C4orf51: variants seen among roughly 807,000 people sequenced by gnomAD.
C4orf51 encodes uncharacterized protein C4orf51.
C4orf51 carries 25 observed loss-of-function variants against 25.2 expected under a neutral mutation model. The ratio of observed to expected loss-of-function variants is 0.99; its 90% confidence interval spans 0.72 to 1.39. The LOEUF (loss-of-function observed/expected upper bound fraction) is 1.39, where lower values mean the gene tolerates loss of function less well. Among genes scored for constraint, C4orf51 ranks in the 40% most tolerant of loss-of-function variants. C4orf51 has a pLI of 0.00. For missense variants in C4orf51, 252 were observed against 239.6 expected (o/e 1.05, Z -0.34); for synonymous variants, 100 against 84.5 (o/e 1.18, Z -1.01).
chr4:145,744,004 G>GTATT (rs1295232747), intron 1 of C4orf51, among the ~76,000 whole-genome samples: 1 of 152,094 alleles, frequency 6.6e-6, no homozygotes. Flanking sequence ...ATTTTTCCTT[G>GTATT]TATTATAATG....
intron 1 of C4orf51, among the ~76,000 whole-genome samples, chr4:145,753,234 T>C (rs1461601709): frequency 1.3e-5 from 2 of 151,812 alleles, no homozygotes; most frequent in South Asian, 2.1e-4. Flanking sequence ...TGGTGAATGC[T>C]TCTATTCGAC....
At chr4:145,783,881 A>G in the C4orf51 span, among the ~76,000 whole-genome samples, 1 of 152,152 alleles carries the variant, frequency 6.6e-6, no homozygotes, top group Admixed American at 6.5e-5. Context: ...TCAAATTATA[A>G]TTCCCAGTAT....
At chr4:145,682,679 C>A (rs1266987688) in intron 1 of C4orf51, among the ~76,000 whole-genome samples, 2 of 152,050 alleles carry the variant, frequency 1.3e-5, no homozygotes, top group South Asian at 4.2e-4. Flanking sequence ...GGTTCTGAAC[C>A]AGTTTTAACC....
intron 1 of C4orf51, among the ~76,000 whole-genome samples, chr4:145,682,781 T>C (rs1728915131): frequency 6.6e-6 from 1 of 152,176 alleles, no homozygotes; most frequent in Admixed American, 6.5e-5. Flanking sequence ...TTATGAAATA[T>C]TGGTGTCAAT....
chr4:145,709,743 G>A (rs1027367175), intron 2 of C4orf51, among the ~76,000 whole-genome samples: 2 of 152,166 alleles, frequency 1.3e-5, no homozygotes, highest in Non-Finnish European at 2.9e-5. Context: ...AGCATTGCAT[G>A]GGTTTAGGCT....
At chr4:145,735,259 A>G (rs1233472563), downstream of C4orf51, among the ~76,000 whole-genome samples, 1 of 152,158 alleles carries the variant, frequency 6.6e-6, no homozygotes, top group East Asian at 1.9e-4. Flanking sequence ...AGATGCCAGT[A>G]GGGTTTCCGA....
Position 145,762,477 on chromosome 4 carries a change from C to A in C4orf51, n.167-8511C>A, listed in dbSNP as rs1734686332. Among the ~76,000 whole-genome samples the A allele has an allele frequency of 6.6e-6, 1 of 152,192 alleles. No homozygotes were observed. The highest frequency in any genetic ancestry group is 2.1e-4 in the South Asian group (1 of 4,822). ...TCTTACATTTCCTCTGCATTCTCTG[C>A]AGTGCTTGGTAGAGTACTTAACACA... On this transcript the variant is annotated intron_variant and non_coding_transcript_variant, in intron 1 of 1. Coordinates refer to the C4orf51 transcript ENST00000510096. The surrounding 1 kb of genome is among the most constrained non-coding windows in gnomAD (Gnocchi z 4.9).
At chr4:145,742,532 GTTTTTTTTT>G (rs141147414) in intron 1 of C4orf51, among the ~76,000 whole-genome samples, 1 of 104,990 alleles carries the variant, frequency 9.5e-6, no homozygotes, top group Non-Finnish European at 1.9e-5. Context: ...TCTTTTTCTT[GTTTTTTTTT>G]TTTTTTTTTT....
chr4:145,779,626 G>T, the C4orf51 span: 4 of 1,389,012 alleles, frequency 2.9e-6, no homozygotes, highest in Non-Finnish European at 3.9e-6. Flanking sequence ...GCTAGTAATT[G>T]CAAATGAGTC....
intron 1 of C4orf51, among the ~76,000 whole-genome samples, chr4:145,752,912 T>C (rs902269439): frequency 1.3e-5 from 2 of 150,278 alleles, no homozygotes; most frequent in East Asian, 3.8e-4. Flanking sequence ...TGTTTTCCAC[T>C]GTAACAAGGC....
At chr4:145,702,089 A>G (rs978765095) in intron 2 of C4orf51, among the ~76,000 whole-genome samples, 4 of 152,114 alleles carry the variant, frequency 2.6e-5, no homozygotes, top group Admixed American at 6.5e-5. Context: ...ATCCCATCCC[A>G]CAGCACGCTT....
downstream of C4orf51, chr4:145,774,751 A>C: frequency 6.9e-7 from 1 of 1,456,348 alleles, no homozygotes; most frequent in South Asian, 1.3e-5. Context: ...CCATTTATAC[A>C]CAGTACACTC....
intron 1 of C4orf51, among the ~76,000 whole-genome samples, chr4:145,738,459 CA>C (rs1732927062): frequency 1.4e-5 from 2 of 146,728 alleles, no homozygotes; most frequent in African/African-American, 5.0e-5. Context: ...CGAAAAAAAA[CA>C]TATATATATA....
chr4:145,785,336 G>C, the C4orf51 span, among the ~76,000 whole-genome samples: 4 of 152,194 alleles, frequency 2.6e-5, no homozygotes, highest in Non-Finnish European at 5.9e-5. Flanking sequence ...GTCCTGGGAA[G>C]ATGAAACCCA....
chr4:145,704,539 G>A (rs975568335), intron 2 of C4orf51, among the ~76,000 whole-genome samples: 3 of 152,248 alleles, frequency 2.0e-5, no homozygotes, highest in African/African-American at 7.2e-5. Context: ...CTGTATATGC[G>A]TGGGTTTATT....
Position 145,716,283 on chromosome 4 carries a change from G to A in C4orf51, c.308-10628G>A, listed in dbSNP as rs551710821. On this transcript the variant is annotated intron_variant, in intron 2 of 5. Coordinates refer to ENST00000438731, the MANE Select transcript of C4orf51 (RefSeq NM_001080531.3). ...TCCTCTTGGGCTTCCACCAATACCC[G>A]AAAGCCCTAGAGCCCTTTGTCTCCA... 2.6e-5 allele frequency among the ~76,000 whole-genome samples: 4 copies of A among 152,146 alleles called. No homozygotes were observed. The East Asian group carries it at 5.8e-4, about 22-fold the overall frequency.
At chr4:145,704,233 A>G (rs1327410368) in intron 2 of C4orf51, among the ~76,000 whole-genome samples, 1 of 152,200 alleles carries the variant, frequency 6.6e-6, no homozygotes, top group African/African-American at 2.4e-5. Flanking sequence ...ATCTGTCAGT[A>G]TTGGAGGAAA....
At chr4:145,707,279 C>A (rs1219407093) in intron 2 of C4orf51, among the ~76,000 whole-genome samples, 1 of 152,192 alleles carries the variant, frequency 6.6e-6, no homozygotes, top group Non-Finnish European at 1.5e-5. Context: ...TTCTTTATAA[C>A]CTTCCGTGCC....
At chr4:145,723,535 C>G (rs921805198) in intron 2 of C4orf51, among the ~76,000 whole-genome samples, 4 of 152,000 alleles carry the variant, frequency 2.6e-5, no homozygotes, top group Non-Finnish European at 5.9e-5. Flanking sequence ...TCTGATTCTG[C>G]AAGCCTACAC....
Sources: allele counts gnomAD v4.1 joint callset (sites outside exome capture counted in the v4.1 genomes callset), GRCh38; gene constraint gnomAD v4.1.1; non-coding constraint Gnocchi (gnomAD v3.1); transcripts MANE v1.5; gene names NCBI Gene and HGNC (gene_info 2026-07-23, HGNC 2026-07-21).